The following TNRC6A variants were observed in gnomAD, a reference collection of about 807,000 sequenced individuals.
TNRC6A encodes trinucleotide repeat containing adaptor 6A, also known as trinucleotide repeat-containing gene 6A protein.
In TNRC6A, 44 loss-of-function variants were observed where a neutral mutation model predicts 221.2. That is an observed-to-expected ratio of 0.20 (90% CI 0.16 to 0.26). The LOEUF (loss-of-function observed/expected upper bound fraction) is 0.26, where lower values mean the gene tolerates loss of function less well. Ranked by LOEUF, TNRC6A falls within the 10% of genes least tolerant of loss-of-function variation. The pLI, the probability that TNRC6A is intolerant of heterozygous loss-of-function variation, is 1.00. For missense variants in TNRC6A, 2,199 were observed against 2,404.4 expected (o/e 0.91, Z 1.79); for synonymous variants, 847 against 838.5 (o/e 1.01, Z -0.18).
At chr16:24,802,216 G>A (rs943653847) in intron 11 of TNRC6A, among the ~76,000 whole-genome samples, 3 of 152,144 alleles carry the variant, frequency 2.0e-5, no homozygotes, top group Admixed American at 1.3e-4. Flanking sequence ...TTGAGAAAAC[G>A]TCAAGAATGA....
chr16:24,731,639 C>A (rs2056645307), intron 2 of TNRC6A, among the ~76,000 whole-genome samples: 1 of 152,180 alleles, frequency 6.6e-6, no homozygotes, highest in South Asian at 2.1e-4. Context: ...ATCAGCAGAA[C>A]AGAGCTTAGA....
intron 4 of TNRC6A, among the ~76,000 whole-genome samples, chr16:24,760,354 A>C (rs1425906883): frequency 3.3e-5 from 5 of 152,142 alleles, no homozygotes; most frequent in Non-Finnish European, 5.9e-5. Context: ...AACATCTTTG[A>C]GTACCTAGTG....
upstream of TNRC6A, among the ~76,000 whole-genome samples, chr16:24,726,061 C>T (rs946185401): frequency 5.9e-5 from 9 of 151,566 alleles, no homozygotes; most frequent in African/African-American, 1.9e-4. Context: ...TAGTTCCTCA[C>T]AAGAACCAGA....
intron 4 of TNRC6A, among the ~76,000 whole-genome samples, chr16:24,766,674 C>CTTTTTT (rs397972605): frequency 8.2e-6 from 1 of 121,414 alleles, no homozygotes; most frequent in Non-Finnish European, 1.7e-5. Context: ...TTCTTTTTAT[C>CTTTTTT]TTTTTTTTTT....
chr16:24,666,240 G>A (rs566912113), intron 2 of TNRC6A, among the ~76,000 whole-genome samples: 7 of 152,052 alleles, frequency 4.6e-5, no homozygotes, highest in South Asian at 4.1e-4. Flanking sequence ...AGGCCAAGGC[G>A]GGTGGATCAC....
chr16:24,689,404 G>T (rs2055705537), intron 2 of TNRC6A, among the ~76,000 whole-genome samples: 1 of 152,210 alleles, frequency 6.6e-6, no homozygotes, highest in Non-Finnish European at 1.5e-5. Context: ...CATGGATCAA[G>T]AACAGATTGA....
At chr16:24,745,665 C>G (rs1015179696) in intron 2 of TNRC6A, among the ~76,000 whole-genome samples, 4 of 151,892 alleles carry the variant, frequency 2.6e-5, no homozygotes, top group Non-Finnish European at 5.9e-5. Context: ...CCATTATTGT[C>G]ATTTCTCCCT....
At chr16:24,818,293 C>T (rs1427635511) in intron 20 of TNRC6A, among the ~76,000 whole-genome samples, 2 of 152,144 alleles carry the variant, frequency 1.3e-5, no homozygotes, top group African/African-American at 4.8e-5. Flanking sequence ...TGCTGGGAAG[C>T]AGAGCCAAGT....
At chr16:24,740,398 A>C (rs1186875055) in intron 2 of TNRC6A, among the ~76,000 whole-genome samples, 3 of 152,232 alleles carry the variant, frequency 2.0e-5, no homozygotes, top group African/African-American at 7.2e-5. Flanking sequence ...CAGTGTGGAC[A>C]GTATTGCATT....
At chr16:24,754,351 A>T (rs1418121337) in intron 3 of TNRC6A, among the ~76,000 whole-genome samples, 1 of 152,182 alleles carries the variant, frequency 6.6e-6, no homozygotes. Context: ...CATTAAAAAC[A>T]GGGTGATTTG....
At position 24,750,720 on chromosome 16, in the gene TNRC6A, G is replaced by A; in HGVS notation, c.54-6G>A. ...TGGGAAACTTAATTGCAACTGTGTGGTTCAGGGATTTAGTGCAAGAAGAAG... is the reference window on the plus strand; with the variant it reads ...TGGGAAACTTAATTGCAACTGTGTGATTCAGGGATTTAGTGCAAGAAGAAG... On this transcript the variant is annotated splice_polypyrimidine_tract_variant and splice_region_variant and intron_variant, in intron 2 of 24. Coordinates refer to ENST00000395799, the MANE Select transcript of TNRC6A (RefSeq NM_014494.4). 6.5e-7 allele frequency: 1 copy of A among 1,528,788 alleles called. No homozygotes were observed. Among genetic ancestry groups the A allele is most frequent in the Non-Finnish European group, 8.7e-7 (1 of 1,144,212 alleles). 94.7% of individuals were successfully genotyped at this position (1,528,788 alleles called of 1,614,324 possible).
rs919145499 is a variant in TNRC6A at position 24,623,474 on chromosome 16, C to G, written n.276+12990C>G. Among the ~76,000 whole-genome samples the G allele has an allele frequency of 2.0e-5, 3 of 152,172 alleles. No homozygotes were observed. In the South Asian group the frequency reaches 6.2e-4, roughly 32 times the overall value. ...TTGTCTCATGAGTCTGCAGATCAGG[C>G]TGGGTCATTCTTCATGTATCAGCTG... On this transcript the variant is annotated intron_variant and non_coding_transcript_variant, in intron 1 of 2. Coordinates refer to the TNRC6A transcript ENST00000566108.
intron 1 of TNRC6A, among the ~76,000 whole-genome samples, chr16:24,630,020 T>G (rs901636936): frequency 2.6e-5 from 4 of 152,126 alleles, no homozygotes; most frequent in African/African-American, 9.7e-5. Context: ...TAACCATTTT[T>G]AAGTGTCCTA....
intron 5 of TNRC6A, among the ~76,000 whole-genome samples, chr16:24,777,991 G>A (rs564045257): frequency 6.6e-6 from 1 of 152,288 alleles, no homozygotes; most frequent in African/African-American, 2.4e-5. Context: ...TGGTCTGTTA[G>A]TCTGTCCATC....
At chr16:24,815,561 A>G in intron 19 of TNRC6A, 2 of 464,580 alleles carry the variant, frequency 4.3e-6, no homozygotes, top group East Asian at 4.2e-5. Flanking sequence ...GAAGAATTAT[A>G]TTAAAAACTT....
chr16:24,714,939 T>G (rs1596536763), intron 2 of TNRC6A, among the ~76,000 whole-genome samples: 1 of 150,800 alleles, frequency 6.6e-6, no homozygotes, highest in African/African-American at 2.4e-5. Context: ...TGCAGTGGCG[T>G]GATCTCGGCT....
In TNRC6A at chr16:24,678,205, G is replaced by T. The variant is rs142074711; in HGVS notation, n.402+37196G>T. 8.7e-3 allele frequency among the ~76,000 whole-genome samples: 1,317 copies of T among 151,870 alleles called. 13 individuals are homozygous for T. The highest frequency in any genetic ancestry group is 0.017 in the Middle Eastern group (5 of 294). On this transcript the variant is annotated intron_variant and non_coding_transcript_variant, in intron 2 of 2. Coordinates refer to the TNRC6A transcript ENST00000566108. Reference sequence around the variant, plus strand: ...GCACACCTGTAATCCCAGCTACTCCGGAGGCTGAGGCATGAGAATCACTTA... The same window carrying T: ...GCACACCTGTAATCCCAGCTACTCCTGAGGCTGAGGCATGAGAATCACTTA...
intron 4 of TNRC6A, among the ~76,000 whole-genome samples, chr16:24,770,571 C>A (rs546378105): frequency 1.3e-5 from 2 of 152,224 alleles, no homozygotes; most frequent in African/African-American, 4.8e-5. Flanking sequence ...GGAAGAAATT[C>A]CTGCTTGAGT....
At chr16:24,746,308 C>G (rs2057009317) in intron 2 of TNRC6A, among the ~76,000 whole-genome samples, 1 of 152,120 alleles carries the variant, frequency 6.6e-6, no homozygotes, top group Non-Finnish European at 1.5e-5. Flanking sequence ...CCCCTGTAAT[C>G]CCAGTACTTT....
Sources: allele counts gnomAD v4.1 joint callset (sites outside exome capture counted in the v4.1 genomes callset), GRCh38; gene constraint gnomAD v4.1.1; transcripts MANE v1.5; gene names NCBI Gene and HGNC (gene_info 2026-07-23, HGNC 2026-07-21).